Variants in SEC14L1 observed in about 807,000 individuals in gnomAD.
The protein encoded by SEC14L1 is SEC14 like lipid binding 1, also known as SEC14-like protein 1.
Under a neutral mutation model 85.3 loss-of-function variants are expected in SEC14L1, and 48 were observed. The ratio of observed to expected loss-of-function variants is 0.56; its 90% confidence interval spans 0.45 to 0.72. The LOEUF (loss-of-function observed/expected upper bound fraction) is 0.72, where lower values mean the gene tolerates loss of function less well. Among genes scored for constraint, SEC14L1 ranks in the 30% least tolerant of loss-of-function variants. SEC14L1 has a pLI of 0.00. For synonymous variants in SEC14L1, 391 were observed against 355.5 expected, an observed-to-expected ratio of 1.10 and a Z score of -1.12; for missense variants, 682 against 921.4, an observed-to-expected ratio of 0.74 and a Z score of 3.36.
upstream of SEC14L1, among the ~76,000 whole-genome samples, chr17:77,136,966 A>T (rs1302462946): frequency 6.6e-6 from 1 of 150,852 alleles, no homozygotes; most frequent in Admixed American, 6.6e-5. Context: ...CTGGAGTGCA[A>T]TGGTGCGGTC....
intron 3 of SEC14L1, among the ~76,000 whole-genome samples, chr17:77,109,838 AG>A (rs1972009306): frequency 6.6e-6 from 1 of 152,240 alleles, no homozygotes; most frequent in Non-Finnish European, 1.5e-5. Context: ...GCCTCACCAC[AG>A]TTTAGCAGAC....
chr17:77,197,192 C>T (rs1037008579), intron 8 of SEC14L1, among the ~76,000 whole-genome samples: 1 of 152,216 alleles, frequency 6.6e-6, no homozygotes, highest in East Asian at 1.9e-4. Context: ...TGAGTTATTT[C>T]GCAGGAGTTG....
At chr17:77,158,520 G>T (rs1973907229) in intron 3 of SEC14L1, among the ~76,000 whole-genome samples, 1 of 151,854 alleles carries the variant, frequency 6.6e-6, no homozygotes, top group Non-Finnish European at 1.5e-5. Context: ...TTTAGTTTTT[G>T]GGTAGTACTT....
Position 77,213,391 on chromosome 17 carries a change from CA to C in SEC14L1, c.1942del (p.Ser648AlafsTer21). The part of the protein sequence containing the change: ...FHSMPACAAS[S>X]LPRVDDVLAS... ...ACAGCATGCCTGCGTGCGCCGCCAGCAGCCTTCCCCGGGTGGACGACGTGCT... is the reference window on the plus strand; with the variant it reads ...ACAGCATGCCTGCGTGCGCCGCCAGCGCCTTCCCCGGGTGGACGACGTGCT... On this transcript the variant is annotated frameshift_variant, in exon 16 of 17. Coordinates refer to ENST00000436233, the MANE Select transcript of SEC14L1 (RefSeq NM_001143998.2). LOFTEE classifies it high-confidence loss of function. This position sits in a 1 kb window ranked among gnomAD's most constrained non-coding sequence, Gnocchi z 7.1. 1 of 1,613,548 alleles carries C rather than the reference CA, an allele frequency of 6.2e-7. No homozygotes were observed. The highest frequency in any genetic ancestry group is 8.5e-7 in the Non-Finnish European group (1 of 1,180,004).
intron 9 of SEC14L1, 123 bp downstream of exon 9, chr17:77,200,796 C>CT: frequency 1.1e-6 from 1 of 924,536 alleles, no homozygotes; most frequent in Non-Finnish European, 1.6e-6. Flanking sequence ...TCTCCTCACT[C>CT]TGAGAATTTG....
At chr17:77,208,041 C>T (rs975658590) in intron 13 of SEC14L1, among the ~76,000 whole-genome samples, 2 of 152,146 alleles carry the variant, frequency 1.3e-5, no homozygotes, top group African/African-American at 4.8e-5. Context: ...CAGAAGGGCT[C>T]TCTAGTCATC....
intron 3 of SEC14L1, chr17:77,094,958 A>G (rs895161507): frequency 6.6e-6 from 1 of 152,200 alleles, no homozygotes; most frequent in Non-Finnish European, 1.5e-5. Flanking sequence ...GTATATTGAC[A>G]TTTCTGGAAT....
chr17:77,143,698 A>G (rs1973154851), intron 3 of SEC14L1, 39 bp downstream of exon 3: 3 of 1,413,414 alleles, frequency 2.1e-6, no homozygotes, highest in African/African-American at 2.8e-5. Flanking sequence ...TTGGCTTCTT[A>G]TTTATAAAGT....
At chr17:77,158,713 A>C (rs1279675692) in intron 3 of SEC14L1, among the ~76,000 whole-genome samples, 4 of 146,248 alleles carry the variant, frequency 2.7e-5, no homozygotes, top group African/African-American at 1.0e-4. Context: ...TGACTTACCG[A>C]TGGACGTTGG....
intron 3 of SEC14L1, among the ~76,000 whole-genome samples, chr17:77,123,414 C>CTTTTT (rs71280842): frequency 1.2e-5 from 1 of 80,514 alleles, no homozygotes; most frequent in Non-Finnish European, 2.2e-5. Flanking sequence ...CAGGCCCACT[C>CTTTTT]TTTTTTTTTT....
chr17:77,090,021 G>GA (rs111754962), intron 2 of SEC14L1: 16,604 of 125,752 alleles, frequency 0.13, 1,614 homozygotes, highest in African/African-American at 0.29. Context: ...AAAACTCCGA[G>GA]AAAAAAAAAA....
chr17:77,214,243 A>G lies in SEC14L1; in HGVS notation c.*220A>G. 2.2e-6 allele frequency: 3 copies of G among 1,355,372 alleles called. No homozygotes were observed. The highest frequency in any genetic ancestry group is 2.8e-6 in the Non-Finnish European group (3 of 1,056,476). 84.0% of individuals were successfully genotyped at this position (1,355,372 alleles called of 1,614,324 possible). Reference sequence around the variant, plus strand: ...AACTCAATAGCCATAGATTTTGTATACGTTGTGCACAAAATCCAACCAGAG... The same window carrying G: ...AACTCAATAGCCATAGATTTTGTATGCGTTGTGCACAAAATCCAACCAGAG... On this transcript the variant is annotated 3_prime_UTR_variant, in exon 17 of 17. Transcript: ENST00000436233.
chr17:77,157,564 G>A (rs552253113), intron 3 of SEC14L1, among the ~76,000 whole-genome samples: 11 of 151,322 alleles, frequency 7.3e-5, no homozygotes, highest in Admixed American at 4.0e-4. Context: ...GCCTCGCTGC[G>A]TTGCCCAGGC....
intron 3 of SEC14L1, among the ~76,000 whole-genome samples, chr17:77,135,595 G>A (rs1183605950): frequency 6.6e-6 from 1 of 152,080 alleles, no homozygotes; most frequent in Non-Finnish European, 1.5e-5. Flanking sequence ...GGAGTGCAGT[G>A]GCACAATCAG....
intron 5 of SEC14L1, among the ~76,000 whole-genome samples, chr17:77,192,507 C>T (rs961074200): frequency 3.9e-5 from 6 of 152,260 alleles, no homozygotes; most frequent in African/African-American, 1.4e-4. Context: ...TGCAGTGGGC[C>T]TCCCCCAGGG....
chr17:77,142,846 G>A (rs1202469789), intron 2 of SEC14L1, 96 bp downstream of exon 2: 3 of 152,336 alleles, frequency 2.0e-5, no homozygotes, highest in South Asian at 2.1e-4. Flanking sequence ...GTAGGCTGGC[G>A]CTAGAGAATG....
intron 3 of SEC14L1, among the ~76,000 whole-genome samples, chr17:77,130,960 A>G (rs1214945930): frequency 1.3e-5 from 2 of 152,212 alleles, no homozygotes; most frequent in Non-Finnish European, 2.9e-5. Flanking sequence ...AACCCAACAG[A>G]TATTTAATAG....
chr17:77,153,744 TTG>T (rs2143585039), intron 3 of SEC14L1, among the ~76,000 whole-genome samples: 1 of 152,200 alleles, frequency 6.6e-6, no homozygotes, highest in East Asian at 1.9e-4. Flanking sequence ...CCCTCTTCTG[TTG>T]TCTCTTTTAT....
chr17:77,118,094 C>T (rs1428512017), intron 3 of SEC14L1, among the ~76,000 whole-genome samples: 1 of 152,256 alleles, frequency 6.6e-6, no homozygotes, highest in Non-Finnish European at 1.5e-5. Context: ...GCCATCAGGC[C>T]CACCTGGCTC....
Sources: allele counts gnomAD v4.1 joint callset (sites outside exome capture counted in the v4.1 genomes callset), GRCh38; gene constraint gnomAD v4.1.1; non-coding constraint Gnocchi (gnomAD v3.1); transcripts MANE v1.5; gene names NCBI Gene and HGNC (gene_info 2026-07-23, HGNC 2026-07-21).